TTC6: variants seen among roughly 807,000 people sequenced by gnomAD.
TTC6 encodes tetratricopeptide repeat protein 6.
Under a neutral mutation model 210.4 loss-of-function variants are expected in TTC6, and 172 were observed. That is an observed-to-expected ratio of 0.82 (90% CI 0.72 to 0.93). TTC6 has a LOEUF of 0.93. TTC6 is among the 40% of genes least tolerant of loss of function. TTC6 has a pLI of 0.00. For synonymous variants in TTC6, 804 were observed against 819.6 expected, an observed-to-expected ratio of 0.98 and a Z score of 0.32; for missense variants, 2,414 against 2,318.1, an observed-to-expected ratio of 1.04 and a Z score of -0.85.
At chr14:37,622,128 C>T in exon 1 of TTC6, 1 of 1,535,412 alleles carries the variant, frequency 6.5e-7, no homozygotes, top group Non-Finnish European at 8.7e-7. Context: ...GTTTAAAGAG[C>T]TTGAGAAAGT....
intron 26 of TTC6, 21 bp from the exon 29 acceptor site, chr14:37,823,726 A>G (rs752593493): frequency 6.2e-7 from 1 of 1,602,474 alleles, no homozygotes; most frequent in Admixed American, 1.7e-5. Context: ...AGAAGGCATC[A>G]ATATTTTTAT....
At chr14:37,739,349 G>T (rs2095911212) in intron 10 of TTC6, among the ~76,000 whole-genome samples, 194 bp downstream of exon 12, 1 of 151,992 alleles carries the variant, frequency 6.6e-6, no homozygotes, top group African/African-American at 2.4e-5. Flanking sequence ...GGCAGAGGCG[G>T]GCGGATCAAC....
chr14:37,713,929 A>G (rs889732777), intron 5 of TTC6, among the ~76,000 whole-genome samples: 3 of 152,178 alleles, frequency 2.0e-5, no homozygotes, highest in Admixed American at 1.3e-4. Flanking sequence ...TTCAATGTGA[A>G]ATTGATATAT....
intron 14 of TTC6, among the ~76,000 whole-genome samples, chr14:37,773,629 T>A (rs761331505): frequency 1.3e-5 from 2 of 152,200 alleles, no homozygotes; most frequent in Non-Finnish European, 2.9e-5. Context: ...TCTGTTTTTG[T>A]ACCAGTACCA....
intron 5 of TTC6, among the ~76,000 whole-genome samples, chr14:37,714,440 A>G (rs904754731): frequency 6.6e-6 from 1 of 152,126 alleles, no homozygotes. Context: ...AAACAAAACC[A>G]TCATAAATAT....
intron 14 of TTC6, among the ~76,000 whole-genome samples, chr14:37,755,326 G>A (rs1313965385): frequency 6.6e-6 from 1 of 152,060 alleles, no homozygotes; most frequent in Admixed American, 6.6e-5. Flanking sequence ...CATTCTGCAG[G>A]TTGCCTGTTC....
At position 37,598,632 on chromosome 14, in the gene TTC6, G is replaced by A. The variant is rs34401945; in HGVS notation, c.-235+2624G>A. ...GCAGGTAGAAGCAGAGGGAGACGAC[G>A]GCGAAAGGTGGAAGGAGAGGCCGCG... On this transcript the variant is annotated intron_variant, in intron 1 of 2. Coordinates refer to the TTC6 transcript ENST00000556845. The surrounding 1 kb of genome is among the most constrained non-coding windows in gnomAD (Gnocchi z 4.9). 2.0e-5 allele frequency among the ~76,000 whole-genome samples: 3 copies of A among 152,302 alleles called. No homozygotes were observed. The East Asian group carries it at 5.8e-4, about 30-fold the overall frequency.
At chr14:37,771,556 T>C (rs1031988014) in intron 14 of TTC6, among the ~76,000 whole-genome samples, 3 of 152,214 alleles carry the variant, frequency 2.0e-5, no homozygotes, top group African/African-American at 4.8e-5. Context: ...CATTCATTTC[T>C]TCTTCCATTG....
chr14:37,811,946 A>T (rs976995174), intron 24 of TTC6, among the ~76,000 whole-genome samples: 3 of 152,166 alleles, frequency 2.0e-5, no homozygotes, highest in Admixed American at 2.0e-4. Flanking sequence ...ACAATACAAC[A>T]CTAAAAAGAA....
chr14:37,666,446 C>CA (rs11416752), intron 1 of TTC6, among the ~76,000 whole-genome samples: 62,114 of 121,924 alleles, frequency 0.51, 15,656 homozygotes, highest in South Asian at 0.69. Flanking sequence ...GGCCCTGTCT[C>CA]AAAAAAAAAA....
chr14:37,782,211 CT>C lies in TTC6; in HGVS notation c.3267-5254del, dbSNP rs539992873. ...GGATGGCATTGAATCTATAAATTAC[CT>C]TTGGCAGTATGACCATTTTCACGAT... On this transcript the variant is annotated intron_variant, in intron 14 of 30. Coordinates refer to ENST00000553443, the Ensembl canonical transcript of TTC6. Among the ~76,000 whole-genome samples, 840 of 152,166 alleles carry C rather than the reference CT, an allele frequency of 5.5e-3. 10 individuals are homozygous for C. Among genetic ancestry groups the C allele is most frequent in the African/African-American group, 0.019 (800 of 41,530 alleles).
At chr14:37,791,823 A>G (rs2096080231) in intron 16 of TTC6, among the ~76,000 whole-genome samples, 1 of 152,152 alleles carries the variant, frequency 6.6e-6, no homozygotes, top group African/African-American at 2.4e-5. Context: ...GATACAGAAA[A>G]GCTGTGTTAA....
intron 2 of TTC6, among the ~76,000 whole-genome samples, chr14:37,612,060 G>A (rs948515227): frequency 6.6e-6 from 1 of 151,990 alleles, no homozygotes; most frequent in African/African-American, 2.4e-5. Flanking sequence ...ACTTTATAGA[G>A]GCATAATTTA....
chr14:37,625,867 C>G (rs974716543), intron 1 of TTC6, among the ~76,000 whole-genome samples: 1 of 152,152 alleles, frequency 6.6e-6, no homozygotes, highest in Admixed American at 6.5e-5. Context: ...CCTGGAGTTG[C>G]AAAGAATACG....
intron 29 of TTC6, chr14:37,837,595 ATAAT>A (rs1045087725): frequency 1.1e-5 from 3 of 268,408 alleles, no homozygotes; most frequent in African/African-American, 2.3e-5. Context: ...TATATAAGTA[ATAAT>A]TGATTGAGTC....
At chr14:37,597,550 A>G (rs2095606947) in intron 1 of TTC6, among the ~76,000 whole-genome samples, 1 of 152,068 alleles carries the variant, frequency 6.6e-6, no homozygotes, top group African/African-American at 2.4e-5. Flanking sequence ...TTTTCAAAAA[A>G]AAAAAATTGA....
intron 2 of TTC6, among the ~76,000 whole-genome samples, chr14:37,612,964 T>G (rs893650819): frequency 6.6e-6 from 1 of 152,218 alleles, no homozygotes; most frequent in East Asian, 1.9e-4. Flanking sequence ...CAATCTTTAT[T>G]ACTTTTATTT....
intron 3 of TTC6, among the ~76,000 whole-genome samples, chr14:37,683,816 A>G (rs1388574529): frequency 6.6e-6 from 1 of 152,094 alleles, no homozygotes. Flanking sequence ...CTTTTCATTA[A>G]TTTGAGTCAC....
At chr14:37,654,962 G>T (rs549863196) in intron 1 of TTC6, among the ~76,000 whole-genome samples, 7 of 152,210 alleles carry the variant, frequency 4.6e-5, no homozygotes, top group African/African-American at 1.7e-4. Context: ...TTATCAATTT[G>T]TTCCTTCCCT....
Sources: allele counts gnomAD v4.1 joint callset (sites outside exome capture counted in the v4.1 genomes callset), GRCh38; gene constraint gnomAD v4.1.1; non-coding constraint Gnocchi (gnomAD v3.1); transcripts MANE v1.5; gene names NCBI Gene and HGNC (gene_info 2026-07-23, HGNC 2026-07-21).